PCDHA3: variants seen among roughly 807,000 people sequenced by gnomAD.
The protein encoded by PCDHA3 is protocadherin alpha-3.
PCDHA3 carries 41 observed loss-of-function variants against 62.2 expected under a neutral mutation model. The observed-to-expected ratio is 0.66, with a 90% CI of 0.51 to 0.86. The LOEUF is 0.86. Ranked by LOEUF, PCDHA3 falls within the 40% of genes least tolerant of loss-of-function variation. The pLI is 0.00. For missense variants in PCDHA3, 1,304 were observed against 1,241.2 expected (o/e 1.05, Z -0.76); for synonymous variants, 640 against 555.4 (o/e 1.15, Z -2.14).
At chr5:140,951,542 A>AG (rs1554219955) in intron 1 of PCDHA3, among the ~76,000 whole-genome samples, 1 of 151,820 alleles carries the variant, frequency 6.6e-6, no homozygotes, top group African/African-American at 2.4e-5. Context: ...GGAGCAAGGG[A>AG]CGGGGGGAAG....
At chr5:140,915,716 C>T (rs2077274657) in intron 1 of PCDHA3, among the ~76,000 whole-genome samples, 1 of 152,024 alleles carries the variant, frequency 6.6e-6, no homozygotes, top group East Asian at 1.9e-4. Context: ...GTGGCCCCCA[C>T]TTTGGATTGT....
At chr5:140,870,654 C>A in intron 1 of PCDHA3, 2 of 1,612,562 alleles carry the variant, frequency 1.2e-6, no homozygotes, top group Non-Finnish European at 1.7e-6. Flanking sequence ...GCAAGGTGTA[C>A]GCGCTGCAGC....
At chr5:140,834,072 A>G (rs2150213347) in intron 1 of PCDHA3, among the ~76,000 whole-genome samples, 43 of 152,334 alleles carry the variant, frequency 2.8e-4, no homozygotes, top group Admixed American at 5.9e-4. Flanking sequence ...GAGAAATGCT[A>G]TTTTAACCTT....
At chr5:140,986,828 G>C (rs1001117075) in intron 3 of PCDHA3, among the ~76,000 whole-genome samples, 2 of 152,146 alleles carry the variant, frequency 1.3e-5, no homozygotes, top group African/African-American at 2.4e-5. Flanking sequence ...TTTAGACAAT[G>C]GTTCTCAAAG....
intron 1 of PCDHA3, among the ~76,000 whole-genome samples, chr5:140,832,318 G>T (rs1416750803): frequency 1.3e-5 from 2 of 152,116 alleles, no homozygotes; most frequent in Non-Finnish European, 2.9e-5. Context: ...GTTGCTTAAG[G>T]GCCATTAGAG....
intron 1 of PCDHA3, among the ~76,000 whole-genome samples, chr5:140,974,980 G>A (rs149148015): frequency 2.4e-4 from 36 of 152,208 alleles, no homozygotes; most frequent in Non-Finnish European, 5.0e-4. Context: ...TGAGTTGTCC[G>A]CTCAGGTATT....
chr5:140,802,421 G>T lies in PCDHA3; in HGVS notation c.1224G>T (p.Val408=), dbSNP rs782249231. 1 of 1,614,248 alleles carries T rather than the reference G, an allele frequency of 6.2e-7. No homozygotes were observed. The highest frequency in any genetic ancestry group is 1.1e-5 in the South Asian group (1 of 91,090). Residue 408 remains valine, a synonymous_variant, in exon 1 of 4, where the codon GTG becomes GTT. Transcript: ENST00000522353. ...VSTFKNYYSL[V]LDSPLDRESV... ...CCTTCAAGAATTACTACTCATTGGT[G>T]CTGGACAGCCCTCTGGACCGCGAGA...
chr5:141,004,094 G>C (rs962663466), intron 3 of PCDHA3, among the ~76,000 whole-genome samples: 1 of 152,194 alleles, frequency 6.6e-6, no homozygotes, highest in African/African-American at 2.4e-5. Flanking sequence ...TGCTTCTTCC[G>C]TTTTCATCTT....
chr5:140,917,948 A>AT (rs1443419626), intron 1 of PCDHA3, among the ~76,000 whole-genome samples: 16 of 151,986 alleles, frequency 1.1e-4, no homozygotes, highest in African/African-American at 3.9e-4. Flanking sequence ...TGGTAGTTTG[A>AT]TAGGAACATC....
rs139576828 is a variant in PCDHA3 at position 140,850,837 on chromosome 5, G to T, written c.2394+47246G>T. 6 of 1,597,642 alleles carry T rather than the reference G, an allele frequency of 3.8e-6. No individual in the cohort carries two copies. In the African/African-American group the frequency reaches 8.1e-5, roughly 21 times the overall value. On this transcript the variant is annotated intron_variant, in intron 1 of 3. Transcript: ENST00000522353. The stretch of plus-strand genomic sequence containing the variant: ...AGCCCGGGCCTTTCTCCTTGTGCTG[G>T]ATCTACAGAGCGAACGGGAGAACCC...
chr5:140,889,086 A>G (rs1418981044), intron 1 of PCDHA3, among the ~76,000 whole-genome samples: 1 of 151,926 alleles, frequency 6.6e-6, no homozygotes, highest in Non-Finnish European at 1.5e-5. Flanking sequence ...TTAAATTTTC[A>G]AAACAATTTT....
chr5:140,924,668 GC>G (rs2081945881), intron 1 of PCDHA3, among the ~76,000 whole-genome samples: 1 of 152,142 alleles, frequency 6.6e-6, no homozygotes, highest in Admixed American at 6.5e-5. Context: ...GCCGAGGCAG[GC>G]CAATCACTTG....
At chr5:140,825,682 A>G (rs1414447242) in intron 1 of PCDHA3, 3 of 152,198 alleles carry the variant, frequency 2.0e-5, no homozygotes, top group African/African-American at 7.2e-5. Flanking sequence ...TCGGCCTCCC[A>G]AAGTGCTGGG....
In PCDHA3 at chr5:140,929,637, G is replaced by A. The variant is rs373869618; in HGVS notation, c.2395-49312G>A. ...CCAAAATATTTTATAAGCAACAGATGTGTAAGGCACTCTAATATTTAAAGT... is the reference window on the plus strand; with the variant it reads ...CCAAAATATTTTATAAGCAACAGATATGTAAGGCACTCTAATATTTAAAGT... On this transcript the variant is annotated intron_variant, in intron 1 of 3. Coordinates refer to ENST00000522353, the MANE Select transcript of PCDHA3 (RefSeq NM_018906.3). The A allele has an allele frequency of 1.4e-4, 52 of 378,290 alleles. No homozygotes were observed. The South Asian group carries it at 3.2e-3, about 23-fold the overall frequency. The allele number at this position is 378,290 out of a possible 1,614,324, so 23.4% of individuals were successfully genotyped here. A position where few individuals can be genotyped will look rare whatever the true frequency, so the allele number is the denominator to read the frequency against.
intron 3 of PCDHA3, among the ~76,000 whole-genome samples, chr5:140,991,619 A>G (rs1554252338): frequency 1.3e-5 from 2 of 152,206 alleles, no homozygotes; most frequent in African/African-American, 4.8e-5. Context: ...CTTTAATGCC[A>G]TATTTGTAAT....
chr5:140,868,477 A>T (rs1165630673), intron 1 of PCDHA3: 1 of 152,380 alleles, frequency 6.6e-6, no homozygotes, highest in Non-Finnish European at 1.5e-5. Flanking sequence ...ATAAAACTTC[A>T]ATTTTTTCTT....
At chr5:140,963,530 A>T (rs1031416091) in intron 1 of PCDHA3, among the ~76,000 whole-genome samples, 29 of 152,216 alleles carry the variant, frequency 1.9e-4, no homozygotes, top group African/African-American at 6.8e-4. Context: ...CAGAAGTCCC[A>T]TTTACTTCAT....
intron 1 of PCDHA3, chr5:140,968,554 A>G (rs782240700): frequency 1.9e-6 from 3 of 1,614,162 alleles, no homozygotes; most frequent in Non-Finnish European, 2.5e-6. Context: ...TGGTGCCTCG[A>G]ACTGCCCCTG....
chr5:140,880,645 C>A (rs535367313), intron 1 of PCDHA3, among the ~76,000 whole-genome samples: 1 of 152,032 alleles, frequency 6.6e-6, no homozygotes, highest in Admixed American at 6.6e-5. Context: ...CACTTGAGAG[C>A]CCAACTGAGG....
Sources: gnomAD v4.1 joint callset for allele counts (sites outside exome capture counted in the v4.1 genomes callset) on GRCh38, gnomAD v4.1.1 for gene constraint, MANE v1.5 for transcripts, NCBI Gene and HGNC (gene_info 2026-07-23, HGNC 2026-07-21) for gene names.